BAZ2B: variants seen among roughly 807,000 people sequenced by gnomAD.
BAZ2B encodes the protein bromodomain adjacent to zinc finger domain 2B.
BAZ2B carries 91 observed loss-of-function variants against 246.0 expected under a neutral mutation model. The observed-to-expected ratio is 0.37, with a 90% CI of 0.31 to 0.44. BAZ2B has a LOEUF of 0.44. BAZ2B is among the 20% of genes least tolerant of loss of function. The probability of loss-of-function intolerance (pLI) is 1.00; values close to 1 mark genes in which losing one functional copy is unlikely to be tolerated. For synonymous variants in BAZ2B, 855 were observed against 860.0 expected (o/e 0.99, Z 0.10); for missense variants, 2,332 against 2,533.7 (o/e 0.92, Z 1.71).
At chr2:159,438,806 A>T in intron 7 of BAZ2B, 111 bp from the exon 8 acceptor site, 1 of 1,320,032 alleles carries the variant, frequency 7.6e-7, no homozygotes, top group East Asian at 2.3e-5. Context: ...TTAATGCCTT[A>T]TGATAATATC....
At chr2:159,408,564 A>G (rs2066317766) in intron 14 of BAZ2B, among the ~76,000 whole-genome samples, 1 of 152,212 alleles carries the variant, frequency 6.6e-6, no homozygotes, top group Non-Finnish European at 1.5e-5. Context: ...TTAACTAATC[A>G]TTAAAAATTT....
the BAZ2B span, among the ~76,000 whole-genome samples, chr2:159,692,610 G>GGAGGCT: frequency 6.6e-6 from 1 of 152,136 alleles, no homozygotes; most frequent in African/African-American, 2.4e-5. Flanking sequence ...CAGTTACTCA[G>GGAGGCT]GAGGCTGAGG....
At chr2:159,460,159 G>A (rs1298977524) in intron 3 of BAZ2B, 1 of 151,968 alleles carries the variant, frequency 6.6e-6, no homozygotes, top group Non-Finnish European at 1.5e-5. Context: ...ATATAAAAGT[G>A]ATTAAAATCA....
the BAZ2B span, among the ~76,000 whole-genome samples, chr2:159,686,174 G>A: frequency 6.6e-6 from 1 of 152,180 alleles, no homozygotes; most frequent in African/African-American, 2.4e-5. Flanking sequence ...GCTGAGGCAG[G>A]AGGAGCCCTT....
intron 3 of BAZ2B, among the ~76,000 whole-genome samples, chr2:159,474,647 A>T (rs2078264247): frequency 6.6e-6 from 1 of 152,258 alleles, no homozygotes; most frequent in South Asian, 2.1e-4. Flanking sequence ...GTTTCTTCAT[A>T]GTATTGATGG....
At chr2:159,530,017 C>T (rs776475777) in intron 2 of BAZ2B, among the ~76,000 whole-genome samples, 9 of 152,172 alleles carry the variant, frequency 5.9e-5, no homozygotes, top group Non-Finnish European at 1.3e-4. Context: ...TCAACTCTAA[C>T]TTTTCAAACT....
At chr2:159,335,404 G>T (rs2065461696) in intron 33 of BAZ2B, among the ~76,000 whole-genome samples, 1 of 151,914 alleles carries the variant, frequency 6.6e-6, no homozygotes, top group South Asian at 2.1e-4. Flanking sequence ...AAATTTAGCT[G>T]GGCATGGTGG....
chr2:159,448,057 G>A (rs563032350), intron 5 of BAZ2B, among the ~76,000 whole-genome samples, 185 bp downstream of exon 5: 4 of 152,066 alleles, frequency 2.6e-5, no homozygotes, highest in East Asian at 1.9e-4. Flanking sequence ...CCAGGAGGAC[G>A]AGGCTACAGT....
chr2:159,365,891 C>T (rs1429780949), intron 27 of BAZ2B, among the ~76,000 whole-genome samples: 1 of 152,192 alleles, frequency 6.6e-6, no homozygotes, highest in Non-Finnish European at 1.5e-5. Context: ...CTCTCTTCAC[C>T]TTTCTTGCAG....
intron 2 of BAZ2B, among the ~76,000 whole-genome samples, chr2:159,514,067 C>A (rs1365371232): frequency 6.6e-6 from 1 of 152,118 alleles, no homozygotes; most frequent in Admixed American, 6.5e-5. Flanking sequence ...GTGAATCCTT[C>A]CTCAGCCCCT....
the BAZ2B span, among the ~76,000 whole-genome samples, chr2:159,666,501 T>A: frequency 2.0e-5 from 3 of 152,100 alleles, no homozygotes; most frequent in South Asian, 2.1e-4. Flanking sequence ...GCTCAAGTGA[T>A]CCAGCGACCT....
At chr2:159,393,654 G>A (rs2149641816) in intron 20 of BAZ2B, among the ~76,000 whole-genome samples, 1 of 152,256 alleles carries the variant, frequency 6.6e-6, no homozygotes, top group South Asian at 2.1e-4. Context: ...AAGGTAGGTA[G>A]GAGAGGGAGA....
chr2:159,373,235 C>T, intron 26 of BAZ2B, 46 bp from the exon 27 acceptor site: 1 of 1,539,390 alleles, frequency 6.5e-7, no homozygotes, highest in Non-Finnish European at 8.8e-7. Context: ...ATGTTAAATG[C>T]TTTAAAAATT....
At chr2:159,437,992 T>C in intron 8 of BAZ2B, 1 of 199,848 alleles carries the variant, frequency 5.0e-6, no homozygotes, top group Admixed American at 5.8e-5. Flanking sequence ...TTGTGAAGCT[T>C]GTCTTACTCA....
At chr2:159,648,731 G>T in the BAZ2B span, among the ~76,000 whole-genome samples, 1 of 152,008 alleles carries the variant, frequency 6.6e-6, no homozygotes, top group Non-Finnish European at 1.5e-5. Flanking sequence ...TTAATATTTA[G>T]ATTTTTTTCT....
chr2:159,669,069 A>C, the BAZ2B span, among the ~76,000 whole-genome samples: 1 of 151,742 alleles, frequency 6.6e-6, no homozygotes, highest in Non-Finnish European at 1.5e-5. Flanking sequence ...AAAAAAAAAG[A>C]AAGAAAGAAA....
chr2:159,578,652 CA>C (rs1426888720), intron 1 of BAZ2B, among the ~76,000 whole-genome samples: 3 of 152,100 alleles, frequency 2.0e-5, no homozygotes, highest in Non-Finnish European at 4.4e-5. Flanking sequence ...GCACTTATTC[CA>C]AAATTGACCA....
chr2:159,476,930 G>A (rs111888389), intron 3 of BAZ2B, among the ~76,000 whole-genome samples: 9 of 152,296 alleles, frequency 5.9e-5, no homozygotes, highest in Middle Eastern at 6.8e-3. Context: ...ATCATTTTGC[G>A]TATAAGGGAA....
At chr2:159,411,440 C>T (rs1328839019) in intron 14 of BAZ2B, among the ~76,000 whole-genome samples, 1 of 152,156 alleles carries the variant, frequency 6.6e-6, no homozygotes, top group Non-Finnish European at 1.5e-5. Flanking sequence ...ATTTCCTCCA[C>T]ATTTTGCTTA....
Sources: gnomAD v4.1 joint callset for allele counts (sites outside exome capture counted in the v4.1 genomes callset) on GRCh38, gnomAD v4.1.1 for gene constraint, MANE v1.5 for transcripts, NCBI Gene and HGNC (gene_info 2026-07-23, HGNC 2026-07-21) for gene names.